The following RGS9 variants were observed in gnomAD, a reference collection of about 807,000 sequenced individuals.
The protein encoded by RGS9 is regulator of G protein signaling 9, also known as regulator of G-protein signalling 9.
A neutral mutation model predicts 102.0 loss-of-function variants in RGS9; 78 were observed. The observed-to-expected ratio is 0.76, with a 90% CI of 0.64 to 0.92. The LOEUF is 0.92. Among genes scored for constraint, RGS9 ranks in the 40% least tolerant of loss-of-function variants. RGS9 has a pLI of 0.00. For missense variants in RGS9, 833 were observed against 866.1 expected, an observed-to-expected ratio of 0.96 and a Z score of 0.48; for synonymous variants, 353 against 318.6, an observed-to-expected ratio of 1.11 and a Z score of -1.15.
rs1385836046 is a variant in RGS9 at position 65,190,119 on chromosome 17, T to C, written c.685-56T>C. On this transcript the variant is annotated intron_variant, in intron 10 of 18. Transcript: ENST00000262406. ...TTCTGGGTTTGGAGGCTGTGTGTAG[T>C]GACACTGAAGGGTGGGAGGGGGTTG... is the stretch of plus-strand genomic sequence containing the variant. 4 of 1,364,748 alleles carry C rather than the reference T, an allele frequency of 2.9e-6. No individual in the cohort carries two copies. In the African/African-American group the frequency reaches 5.7e-5, roughly 20 times the overall value. 84.5% of individuals were successfully genotyped at this position (1,364,748 alleles called of 1,614,324 possible).
At chr17:65,216,581 G>A (rs28451574) in intron 17 of RGS9, among the ~76,000 whole-genome samples, 1 of 152,084 alleles carries the variant, frequency 6.6e-6, no homozygotes, top group South Asian at 2.1e-4. Context: ...AAGTTGCAGC[G>A]AGCTGAGATC....
At chr17:65,225,667 T>C (rs895770948) in intron 18 of RGS9, 181 bp downstream of exon 18, 2 of 774,046 alleles carry the variant, frequency 2.6e-6, no homozygotes, top group South Asian at 1.6e-5. Context: ...TCCTCTGCTG[T>C]CCTCCCGAGG....
intron 1 of RGS9, among the ~76,000 whole-genome samples, chr17:65,142,461 A>G (rs1910193293): frequency 6.6e-6 from 1 of 152,146 alleles, no homozygotes; most frequent in Non-Finnish European, 1.5e-5. Context: ...CCTGGGCTGC[A>G]CTTTAAAAAA....
intron 9 of RGS9, among the ~76,000 whole-genome samples, chr17:65,181,585 G>A (rs1454266628): frequency 6.6e-6 from 1 of 152,196 alleles, no homozygotes; most frequent in Non-Finnish European, 1.5e-5. Context: ...CCAATACCTT[G>A]AGGCATACGG....
intron 13 of RGS9, among the ~76,000 whole-genome samples, chr17:65,199,436 A>G (rs1381374099): frequency 1.3e-5 from 2 of 150,276 alleles, no homozygotes; most frequent in Non-Finnish European, 2.9e-5. Flanking sequence ...TTCACTTAGC[A>G]TAATGTTTTC....
chr17:65,153,189 A>G (rs1910644317), intron 1 of RGS9, among the ~76,000 whole-genome samples: 1 of 152,204 alleles, frequency 6.6e-6, no homozygotes, highest in Non-Finnish European at 1.5e-5. Context: ...AGAATCTCCC[A>G]GTCAGGATGA....
chr17:65,149,269 G>A (rs757046048), intron 1 of RGS9, among the ~76,000 whole-genome samples: 18 of 152,062 alleles, frequency 1.2e-4, no homozygotes, highest in Non-Finnish European at 1.9e-4. Flanking sequence ...CCATCGCACC[G>A]GGCCTGATGC....
At chr17:65,217,348 C>A (rs1044732393) in intron 17 of RGS9, among the ~76,000 whole-genome samples, 1 of 152,182 alleles carries the variant, frequency 6.6e-6, no homozygotes, top group Non-Finnish European at 1.5e-5. Flanking sequence ...GAACAAAAAA[C>A]CAGACCTTTA....
intron 9 of RGS9, 28 bp downstream of exon 9, chr17:65,177,831 G>A: frequency 6.2e-7 from 1 of 1,601,958 alleles, no homozygotes; most frequent in South Asian, 1.1e-5. Context: ...AGTTTGGGTA[G>A]GGCCTAGGTC....
intron 2 of RGS9, among the ~76,000 whole-genome samples, chr17:65,157,297 C>T (rs370924727): frequency 6.6e-6 from 1 of 151,970 alleles, no homozygotes; most frequent in African/African-American, 2.4e-5. Flanking sequence ...TGCTTCGTTC[C>T]AGGGCACCTT....
In RGS9 at chr17:65,162,179, G is replaced by A. The variant is rs940967010; in HGVS notation, c.424-834G>A. On this transcript the variant is annotated intron_variant, in intron 6 of 18. Transcript: ENST00000262406. ...GGCCAAGATGGGAGGATCACTCGAG[G>A]CCAGGAGTTCAAGACCAGCCTGGCA... Among the ~76,000 whole-genome samples the A allele has an allele frequency of 5.3e-5, 8 of 152,036 alleles. No homozygotes were observed. In the South Asian group the frequency reaches 6.2e-4, roughly 12 times the overall value.
intron 17 of RGS9, among the ~76,000 whole-genome samples, chr17:65,215,525 TTTC>T (rs1913484692): frequency 7.1e-6 from 1 of 140,302 alleles, no homozygotes; most frequent in Non-Finnish European, 1.5e-5. Flanking sequence ...TCTTTCTTTC[TTTC>T]TTTCTTTCTT....
At chr17:65,199,964 G>A (rs1199300557) in intron 13 of RGS9, among the ~76,000 whole-genome samples, 1 of 152,088 alleles carries the variant, frequency 6.6e-6, no homozygotes, top group African/African-American at 2.4e-5. Flanking sequence ...ATGAACTTTG[G>A]TGTACATATT....
rs1397879207 is a variant in RGS9 at position 65,141,137 on chromosome 17, G to A, written c.57+3540G>A. Among the ~76,000 whole-genome samples the A allele has an allele frequency of 2.6e-5, 4 of 152,358 alleles. No homozygotes were observed. The East Asian group carries it at 7.7e-4, about 29-fold the overall frequency. On this transcript the variant is annotated intron_variant, in intron 1 of 18. Coordinates refer to ENST00000262406, the MANE Select transcript of RGS9 (RefSeq NM_003835.4). ...GGTCGGGATGCCCGCCGGCCATGCT[G>A]CTTCCCACCTCTGATGCCTGGGCTC... is the stretch of plus-strand genomic sequence containing the variant.
chr17:65,151,685 T>C (rs1469675310), intron 1 of RGS9, among the ~76,000 whole-genome samples: 3 of 152,364 alleles, frequency 2.0e-5, no homozygotes, highest in African/African-American at 7.2e-5. Flanking sequence ...AGTGGCTTCT[T>C]CTTTGCATTT....
At chr17:65,145,797 C>G (rs1351327730) in intron 1 of RGS9, among the ~76,000 whole-genome samples, 1 of 152,102 alleles carries the variant, frequency 6.6e-6, no homozygotes. Flanking sequence ...GCAGTTCAGC[C>G]CATAGAGCTA....
chr17:65,215,650 T>A (rs1015116519), intron 17 of RGS9, among the ~76,000 whole-genome samples: 1 of 150,850 alleles, frequency 6.6e-6, no homozygotes, highest in Non-Finnish European at 1.5e-5. Flanking sequence ...TGCCTCAGCC[T>A]CCCAAGTTCA....
intron 3 of RGS9, chr17:65,158,789 G>T: frequency 3.7e-6 from 1 of 272,078 alleles, no homozygotes. Flanking sequence ...GGTGGCAGAG[G>T]GGTGGAAGAG....
chr17:65,153,416 T>C lies in RGS9; in HGVS notation c.58-6T>C. The C allele has an allele frequency of 6.2e-7, 1 of 1,613,126 alleles. No homozygotes were observed. Among genetic ancestry groups the C allele is most frequent in the Non-Finnish European group, 8.5e-7 (1 of 1,179,056 alleles). On this transcript the variant is annotated splice_region_variant and splice_polypyrimidine_tract_variant and intron_variant, in intron 1 of 18. Coordinates refer to ENST00000262406, the MANE Select transcript of RGS9 (RefSeq NM_003835.4). ...TCAGTCGGCTTTTTCCTGTTCTGTC[T>C]TGCAGATTGAAGCGCTCGTGAAGGA... is the stretch of plus-strand genomic sequence containing the variant.
Sources: gnomAD v4.1 joint callset for allele counts (sites outside exome capture counted in the v4.1 genomes callset) on GRCh38, gnomAD v4.1.1 for gene constraint, MANE v1.5 for transcripts, NCBI Gene and HGNC (gene_info 2026-07-23, HGNC 2026-07-21) for gene names.